EVC2: variants seen among roughly 807,000 people sequenced by gnomAD.
The protein encoded by EVC2 is EvC ciliary complex subunit 2.
In EVC2, 148 loss-of-function variants were observed where a neutral mutation model predicts 149.3. That is an observed-to-expected ratio of 0.99 (90% confidence interval 0.87 to 1.14). The LOEUF is 1.14. Among genes scored for constraint, EVC2 ranks in the 50% most tolerant of loss-of-function variants. EVC2 has a pLI of 0.00. For missense variants in EVC2, 1,854 were observed against 1,627.3 expected, an observed-to-expected ratio of 1.14 and a Z score of -2.40; for synonymous variants, 776 against 649.9, an observed-to-expected ratio of 1.19 and a Z score of -2.95.
At chr4:5,566,966 ATAT>A (rs2108769018) in intron 20 of EVC2, among the ~76,000 whole-genome samples, 1 of 152,250 alleles carries the variant, frequency 6.6e-6, no homozygotes, top group East Asian at 1.9e-4. Context: ...TTTATTTTTA[ATAT>A]TATTAATAAT....
At chr4:5,635,200 C>A (rs373662297) in intron 10 of EVC2, among the ~76,000 whole-genome samples, 2 of 151,890 alleles carry the variant, frequency 1.3e-5, no homozygotes, top group African/African-American at 4.8e-5. Flanking sequence ...CCATGCCCAG[C>A]TAATTTTTGT....
chr4:5,595,301 T>C (rs960319128), intron 16 of EVC2, among the ~76,000 whole-genome samples: 7 of 152,080 alleles, frequency 4.6e-5, no homozygotes, highest in Non-Finnish European at 1.0e-4. Context: ...GGAAAAAATG[T>C]TAAGGGCAGC....
chr4:5,541,168 A>G (rs983208730), downstream of EVC2, among the ~76,000 whole-genome samples: 3 of 152,208 alleles, frequency 2.0e-5, no homozygotes, highest in African/African-American at 7.2e-5. Flanking sequence ...CAAAAAAGAG[A>G]AGCAATTTCA....
chr4:5,637,280 G>T lies in EVC2; in HGVS notation c.1470+3234C>A, dbSNP rs1182923767. Among the ~76,000 whole-genome samples the T allele has an allele frequency of 1.3e-5, 2 of 152,194 alleles. No homozygotes were observed. The highest frequency in any genetic ancestry group is 2.9e-5 in the Non-Finnish European group (2 of 68,036). ...GGGTTCACATGGGGCGCACAGCAGG[G>T]GGACGTAACCTCCACTGCAGGAGGG... On this transcript the variant is annotated intron_variant, in intron 10 of 21. Transcript: ENST00000344408. This position sits in a 1 kb window ranked among gnomAD's most constrained non-coding sequence, Gnocchi z 4.4.
chr4:5,576,601 TGTGAG>T lies in EVC2; in HGVS notation c.3058-152_3058-148del. 4.2e-6 allele frequency: 6 copies of T among 1,435,566 alleles called. No homozygotes were observed. The highest frequency in any genetic ancestry group is 5.7e-6 in the Non-Finnish European group (6 of 1,060,650). 88.9% of individuals were successfully genotyped at this position (1,435,566 alleles called of 1,614,324 possible). A position where few individuals can be genotyped will look rare whatever the true frequency, so the allele number is the denominator to read the frequency against. On this transcript the variant is annotated intron_variant, in intron 17 of 21. Coordinates refer to ENST00000344408, the MANE Select transcript of EVC2 (RefSeq NM_147127.5). This position sits in a 1 kb window ranked among gnomAD's most constrained non-coding sequence, Gnocchi z 4.5. ...CATCCAGCTGTGCCACATGGTGCAA[TGTGAG>T]TGCACCACGATCTCTCACCCCTGTG...
chr4:5,706,834 G>T (rs1421278351), intron 1 of EVC2, among the ~76,000 whole-genome samples: 1 of 152,138 alleles, frequency 6.6e-6, no homozygotes, highest in Non-Finnish European at 1.5e-5. Context: ...AAGGGCACCT[G>T]AATACAGGTG....
At chr4:5,574,810 T>C in intron 18 of EVC2, 38 bp from the exon 19 acceptor site, 1 of 1,580,958 alleles carries the variant, frequency 6.3e-7, no homozygotes, top group Middle Eastern at 1.7e-4. Flanking sequence ...TTCAGTTTTG[T>C]TATAAAGTGA....
intron 9 of EVC2, among the ~76,000 whole-genome samples, chr4:5,650,634 T>C (rs931434698): frequency 5.2e-5 from 3 of 58,212 alleles, no homozygotes; most frequent in African/African-American, 1.8e-4. Flanking sequence ...TATATATATA[T>C]ATATAGAGAG....
chr4:5,615,318 G>C (rs950864652), intron 16 of EVC2, 104 bp downstream of exon 16: 1 of 1,575,084 alleles, frequency 6.3e-7, no homozygotes, highest in African/African-American at 1.3e-5. Flanking sequence ...GGTGGAGATG[G>C]ATGGCACAGC....
rs535020633 is a variant in EVC2 at position 5,567,152 on chromosome 4, C to A, written c.3557+1292G>T. ...ACCACGCCAACAACCAGACCTCTGACCCCCTAACATGCAGCCAGCCCTCTG... is the reference window on the plus strand; with the variant it reads ...ACCACGCCAACAACCAGACCTCTGAACCCCTAACATGCAGCCAGCCCTCTG... On this transcript the variant is annotated intron_variant, in intron 20 of 21. Coordinates refer to ENST00000344408, the MANE Select transcript of EVC2 (RefSeq NM_147127.5). This position sits in a 1 kb window ranked among gnomAD's most constrained non-coding sequence, Gnocchi z 4.4. Among the ~76,000 whole-genome samples the A allele has an allele frequency of 6.6e-6, 1 of 152,138 alleles. No homozygotes were observed. The highest frequency in any genetic ancestry group is 2.0e-4 in the East Asian group (1 of 5,128).
At chr4:5,672,163 T>C (rs1476965249) in intron 7 of EVC2, among the ~76,000 whole-genome samples, 1 of 152,048 alleles carries the variant, frequency 6.6e-6, no homozygotes, top group Admixed American at 6.5e-5. Context: ...GCTCCTCTCC[T>C]AGCTCAAAGG....
intron 7 of EVC2, 73 bp downstream of exon 7, chr4:5,681,187 G>A (rs1198249786): frequency 2.4e-5 from 37 of 1,571,178 alleles, no homozygotes; most frequent in Non-Finnish European, 2.9e-5. Flanking sequence ...GCTCCCCATG[G>A]CTCCAAGGAC....
chr4:5,534,177 A>T, the EVC2 span, among the ~76,000 whole-genome samples: 2 of 152,202 alleles, frequency 1.3e-5, no homozygotes, highest in Non-Finnish European at 1.5e-5. Flanking sequence ...CTGGCACCTC[A>T]ATTTTTCATA....
intron 21 of EVC2, among the ~76,000 whole-genome samples, chr4:5,563,635 C>A (rs961864078): frequency 6.6e-6 from 1 of 152,106 alleles, no homozygotes; most frequent in Admixed American, 6.5e-5. Context: ...CCACCAAACC[C>A]GGCCCATTTT....
chr4:5,666,788 TC>T (rs1261854524), intron 7 of EVC2, among the ~76,000 whole-genome samples: 1 of 152,204 alleles, frequency 6.6e-6, no homozygotes, highest in Non-Finnish European at 1.5e-5. Context: ...CTTGGATAAT[TC>T]TTTTTTATTT....
chr4:5,535,924 C>T, the EVC2 span, among the ~76,000 whole-genome samples: 1 of 152,094 alleles, frequency 6.6e-6, no homozygotes, highest in Non-Finnish European at 1.5e-5. This position sits in a 1 kb window ranked among gnomAD's most constrained non-coding sequence, Gnocchi z 4.7. Flanking sequence ...TCTTCTACAC[C>T]TGTCTCCTAC....
Position 5,636,967 on chromosome 4 carries a change from T to G in EVC2, c.1470+3547A>C, listed in dbSNP as rs2108858076. On this transcript the variant is annotated intron_variant, in intron 10 of 21. Transcript: ENST00000344408. This position sits in a 1 kb window ranked among gnomAD's most constrained non-coding sequence, Gnocchi z 4.6. ...ATTTCTGGAAACAGATTGGTTCAAA[T>G]AAGGCGGCTGCTTGTCTTTGAACAG... Among the ~76,000 whole-genome samples the G allele has an allele frequency of 6.6e-6, 1 of 152,324 alleles. No homozygotes were observed. Among genetic ancestry groups the G allele is most frequent in the Admixed American group, 6.5e-5 (1 of 15,308 alleles).
Position 5,681,152 on chromosome 4 carries a change from G to T in EVC2, c.870+108C>A. ...AGAGTCCCAGTCTCAACGCATAACT[G>T]GGGGACCAAGGCCAGCAGCTGGCCG... On this transcript the variant is annotated intron_variant, in intron 7 of 21. Coordinates refer to ENST00000344408, the MANE Select transcript of EVC2 (RefSeq NM_147127.5). 3.2e-6 allele frequency: 4 copies of T among 1,261,812 alleles called. No homozygotes were observed. The South Asian group carries it at 4.8e-5, about 15-fold the overall frequency. The allele number at this position is 1,261,812 out of a possible 1,614,324, so 78.2% of individuals were successfully genotyped here. A position where few individuals can be genotyped will look rare whatever the true frequency, so the allele number is the denominator to read the frequency against.
chr4:5,530,076 G>A, the EVC2 span, among the ~76,000 whole-genome samples: 1 of 152,190 alleles, frequency 6.6e-6, no homozygotes. Flanking sequence ...GCCTCCCAAA[G>A]TGTTGGGATT....
Sources: allele counts gnomAD v4.1 joint callset (sites outside exome capture counted in the v4.1 genomes callset), GRCh38; gene constraint gnomAD v4.1.1; non-coding constraint Gnocchi (gnomAD v3.1); transcripts MANE v1.5; gene names NCBI Gene and HGNC (gene_info 2026-07-23, HGNC 2026-07-21).